Variants in PIBF1 observed in about 807,000 individuals in gnomAD.
The protein encoded by PIBF1 is progesterone-induced-blocking factor 1.
PIBF1 carries 90 observed loss-of-function variants against 112.5 expected under a neutral mutation model. The ratio of observed to expected loss-of-function variants is 0.80; its 90% CI spans 0.67 to 0.95. The LOEUF is 0.95. Ranked by LOEUF, PIBF1 falls within the 40% of genes least tolerant of loss-of-function variation. The pLI is 0.00. For synonymous variants in PIBF1, 301 were observed against 288.6 expected (o/e 1.04, Z -0.44); for missense variants, 915 against 852.3 (o/e 1.07, Z -0.92).
intron 14 of PIBF1, 77 bp downstream of exon 14, chr13:72,931,344 G>C (rs1183959431): frequency 3.1e-6 from 3 of 962,296 alleles, no homozygotes; most frequent in South Asian, 1.5e-5. Flanking sequence ...ATTTTTCTAA[G>C]CAGTTTTAAA....
intron 2 of PIBF1, among the ~76,000 whole-genome samples, chr13:72,784,454 T>TAAG (rs1024130463): frequency 6.9e-6 from 1 of 145,304 alleles, no homozygotes; most frequent in African/African-American, 2.6e-5. Flanking sequence ...AAACTAGTAA[T>TAAG]AATAATAATA....
intron 13 of PIBF1, among the ~76,000 whole-genome samples, chr13:72,928,697 C>G (rs2041612845): frequency 6.6e-6 from 1 of 152,216 alleles, no homozygotes; most frequent in Non-Finnish European, 1.5e-5. Flanking sequence ...GCCTCAGTCT[C>G]CCAAAGTGCT....
intron 14 of PIBF1, among the ~76,000 whole-genome samples, chr13:72,951,601 A>G (rs1041258153): frequency 1.3e-5 from 2 of 152,226 alleles, no homozygotes; most frequent in Non-Finnish European, 2.9e-5. Flanking sequence ...GATTCCAACT[A>G]TGTAACATGC....
chr13:73,013,934 T>C (rs890913302), intron 17 of PIBF1, among the ~76,000 whole-genome samples: 1 of 152,308 alleles, frequency 6.6e-6, no homozygotes, highest in Non-Finnish European at 1.5e-5. Context: ...TGCAAAATTA[T>C]TCTTTTCAGA....
chr13:72,846,041 C>T (rs948216858), intron 9 of PIBF1, among the ~76,000 whole-genome samples: 6 of 152,276 alleles, frequency 3.9e-5, no homozygotes, highest in African/African-American at 4.8e-5. Context: ...TTTTTCTCTT[C>T]CTCATTAGCT....
At chr13:72,895,134 A>G (rs1236788625) in intron 11 of PIBF1, among the ~76,000 whole-genome samples, 1 of 152,038 alleles carries the variant, frequency 6.6e-6, no homozygotes, top group Non-Finnish European at 1.5e-5. Context: ...AAAATTTTTT[A>G]AAGTAAATAC....
chr13:72,945,560 A>T (rs2042127199), intron 14 of PIBF1, among the ~76,000 whole-genome samples: 1 of 152,228 alleles, frequency 6.6e-6, no homozygotes, highest in South Asian at 2.1e-4. Context: ...ACTTTTTAAT[A>T]AAAGCTATTC....
At chr13:72,929,939 A>G (rs1264888140) in intron 13 of PIBF1, among the ~76,000 whole-genome samples, 2 of 152,076 alleles carry the variant, frequency 1.3e-5, no homozygotes, top group Non-Finnish European at 2.9e-5. Context: ...AGCTCACTGT[A>G]ACCTCGAACT....
intron 10 of PIBF1, among the ~76,000 whole-genome samples, chr13:72,874,606 C>T (rs1344900379): frequency 6.6e-6 from 1 of 152,148 alleles, no homozygotes; most frequent in African/African-American, 2.4e-5. Context: ...AGCAGCAGCA[C>T]AGAGAGTTTT....
At chr13:72,884,389 A>C (rs1013338586) in intron 10 of PIBF1, 1 of 152,170 alleles carries the variant, frequency 6.6e-6, no homozygotes, top group Non-Finnish European at 1.5e-5. Flanking sequence ...AAAGTGAGAT[A>C]AAAGGAATAA....
intron 16 of PIBF1, among the ~76,000 whole-genome samples, chr13:72,995,263 T>C (rs149993108): frequency 1.8e-4 from 26 of 148,506 alleles, no homozygotes; most frequent in African/African-American, 5.7e-4. Context: ...ATCACACCAC[T>C]GCACTCCAAC....
intron 17 of PIBF1, among the ~76,000 whole-genome samples, chr13:72,999,543 T>A (rs943608983): frequency 6.6e-6 from 1 of 152,142 alleles, no homozygotes; most frequent in Non-Finnish European, 1.5e-5. Flanking sequence ...ACATAGAGAC[T>A]CAAAACCAGA....
chr13:72,787,278 G>A (rs556784347), intron 2 of PIBF1, among the ~76,000 whole-genome samples: 73 of 152,112 alleles, frequency 4.8e-4, no homozygotes, highest in Non-Finnish European at 7.5e-4. Context: ...GTTATTATAT[G>A]TTTAGTTATG....
At position 72,816,864 on chromosome 13, in the gene PIBF1, T is replaced by C. The variant is rs532670135; in HGVS notation, c.673-4985T>C. ...TAGAATCAATTTTTTTTTTGAAAAATTTCTTGAAGATCTTAACAATGACAA... is the reference window on the plus strand; with the variant it reads ...TAGAATCAATTTTTTTTTTGAAAAACTTCTTGAAGATCTTAACAATGACAA... On this transcript the variant is annotated intron_variant, in intron 5 of 17. Transcript: ENST00000326291. 5.9e-5 allele frequency among the ~76,000 whole-genome samples: 9 copies of C among 152,172 alleles called. No individual in the cohort carries two copies. In the South Asian group the frequency reaches 1.9e-3, roughly 32 times the overall value.
intron 10 of PIBF1, among the ~76,000 whole-genome samples, chr13:72,866,204 A>T (rs1424011021): frequency 6.6e-6 from 1 of 152,178 alleles, no homozygotes; most frequent in Non-Finnish European, 1.5e-5. Context: ...AATTCAGGAC[A>T]GGTCTCTCAT....
At chr13:72,812,756 CAG>C (rs1303700378) in intron 5 of PIBF1, among the ~76,000 whole-genome samples, 1 of 151,486 alleles carries the variant, frequency 6.6e-6, no homozygotes, top group African/African-American at 2.4e-5. Flanking sequence ...GCCTGGAAGA[CAG>C]AATGAGACCC....
chr13:72,940,725 G>A (rs186949384), intron 14 of PIBF1, among the ~76,000 whole-genome samples: 1 of 152,200 alleles, frequency 6.6e-6, no homozygotes, highest in African/African-American at 2.4e-5. Flanking sequence ...TTTATCGTAA[G>A]GCCAATTTCT....
At chr13:73,014,065 A>ACTCCC (rs2044311145) in intron 17 of PIBF1, among the ~76,000 whole-genome samples, 1 of 30,192 alleles carries the variant, frequency 3.3e-5, no homozygotes, top group Non-Finnish European at 7.3e-5. Context: ...CCTCCCCTCC[A>ACTCCC]CTCCCCTCTC....
intron 16 of PIBF1, chr13:72,974,055 C>A (rs956071827): frequency 4.3e-6 from 1 of 232,154 alleles, no homozygotes; most frequent in Non-Finnish European, 8.2e-6. Flanking sequence ...AAATTATTTT[C>A]TTTTCTTCAT....
Sources: allele counts gnomAD v4.1 joint callset (sites outside exome capture counted in the v4.1 genomes callset), GRCh38; gene constraint gnomAD v4.1.1; transcripts MANE v1.5; gene names NCBI Gene and HGNC (gene_info 2026-07-23, HGNC 2026-07-21).